Variants in FBN2 observed in about 807,000 individuals in gnomAD.
FBN2 encodes the protein fibrillin-2.
A neutral mutation model predicts 355.6 loss-of-function variants in FBN2; 105 were observed. The ratio of observed to expected loss-of-function variants is 0.30; its 90% CI spans 0.25 to 0.35. The LOEUF (loss-of-function observed/expected upper bound fraction) is 0.35. Among genes scored for constraint, FBN2 ranks in the 10% least tolerant of loss-of-function variants. The pLI is 1.00. For synonymous variants in FBN2, 1,350 were observed against 1,301.2 expected, an observed-to-expected ratio of 1.04 and a Z score of -0.81; for missense variants, 3,280 against 3,758.7, an observed-to-expected ratio of 0.87 and a Z score of 3.33.
intron 55 of FBN2, 76 bp from the exon 56 acceptor site, chr5:128,280,393 T>C (rs182060841): frequency 5.2e-6 from 6 of 1,152,506 alleles, no homozygotes; most frequent in Non-Finnish European, 7.8e-6. Context: ...TAATGGGTTA[T>C]ATCTTATTTA....
In FBN2 at chr5:128,272,085, T is replaced by C. The variant is rs1373473066; in HGVS notation, c.7874A>G (p.Gln2625Arg). The change falls in exon 62 of 65, where the codon CAA becomes CGA. Residue 2625 changes from glutamine to arginine, a missense_variant. By Grantham distance (43) the Gln-to-Arg change is conservative (BLOSUM62 1). Around this residue, in one of 6 missense-constraint regions of FBN2, gnomAD observed 2,284 missense variants for 2,749.5 expected, o/e 0.83. Coordinates refer to ENST00000262464, the MANE Select transcript of FBN2 (RefSeq NM_001999.4). ...ACCCAGGATGTTCTGGCAGCCGTGT[T>C]GGCACCTGTGGTTCCCATCACATTC... ...VDECDGNHRC[Q>R]HGCQNILGGY... is the part of the protein sequence containing the mutation. 6.2e-7 allele frequency: 1 copy of C among 1,614,080 alleles called. No individual in the cohort carries two copies. The highest frequency in any genetic ancestry group is 8.5e-7 in the Non-Finnish European group (1 of 1,179,982).
chr5:128,307,675 T>C (rs1453967211), intron 41 of FBN2, among the ~76,000 whole-genome samples: 2 of 151,520 alleles, frequency 1.3e-5, no homozygotes, highest in Non-Finnish European at 2.9e-5. Flanking sequence ...ATTTTGTCTT[T>C]TTTTTTTTTA....
Position 128,310,396 on chromosome 5 carries a change from ATATATATTTT to A in FBN2, c.5075-298_5075-289del, listed in dbSNP as rs1258825449. ...TATATATATATATATATATATATATATATATATTTTTTTTTTTTTTTTTTTATTGCAATTC... is the reference window on the plus strand; with the variant it reads ...TATATATATATATATATATATATATATTTTTTTTTTTTTTTATTGCAATTC... On this transcript the variant is annotated intron_variant, in intron 39 of 64. Transcript: ENST00000262464. Among the ~76,000 whole-genome samples the A allele has an allele frequency of 2.3e-3, 42 of 18,398 alleles. 1 individual carries two copies. The highest frequency in any genetic ancestry group is 6.6e-3 in the Admixed American group (14 of 2,136). 12.1% of individuals were successfully genotyped at this position (18,398 alleles called of 152,430 possible).
chr5:128,429,896 T>C (rs1393679011), intron 7 of FBN2, among the ~76,000 whole-genome samples: 2 of 152,190 alleles, frequency 1.3e-5, no homozygotes, highest in African/African-American at 4.8e-5. Context: ...TAAAGCTAAA[T>C]GAGAACTTTT....
chr5:128,272,198 T>A (rs557405633), intron 61 of FBN2, 80 bp from the exon 62 acceptor site: 2 of 1,511,760 alleles, frequency 1.3e-6, no homozygotes, highest in African/African-American at 1.4e-5. Flanking sequence ...AAACCTGGGG[T>A]AACTGTTATC....
intron 19 of FBN2, among the ~76,000 whole-genome samples, chr5:128,359,198 T>A (rs529276937): frequency 2.0e-5 from 3 of 152,170 alleles, no homozygotes; most frequent in African/African-American, 7.2e-5. Context: ...ATTAGTGCTA[T>A]TTGTTATATA....
At chr5:128,502,296 A>T (rs35734821) in intron 5 of FBN2, among the ~76,000 whole-genome samples, 3 of 108,072 alleles carry the variant, frequency 2.8e-5, no homozygotes, top group African/African-American at 4.9e-5. Context: ...ACAAAAAAAA[A>T]AAAATAATTA....
intron 6 of FBN2, among the ~76,000 whole-genome samples, chr5:128,452,526 A>G (rs755401655): frequency 6.6e-6 from 1 of 152,096 alleles, no homozygotes; most frequent in Admixed American, 6.6e-5. Flanking sequence ...TTATTAGATG[A>G]TATATTATTT....
At chr5:128,534,882 T>C (rs1756805105) in intron 2 of FBN2, among the ~76,000 whole-genome samples, 1 of 152,198 alleles carries the variant, frequency 6.6e-6, no homozygotes, top group South Asian at 2.1e-4. Context: ...GCAGTCACAT[T>C]CATTACATTT....
At chr5:128,514,286 G>A (rs1756219562) in intron 5 of FBN2, among the ~76,000 whole-genome samples, 1 of 152,238 alleles carries the variant, frequency 6.6e-6, no homozygotes, top group East Asian at 1.9e-4. Context: ...TTTTCCCACT[G>A]TAGTAAGCTA....
intron 4 of FBN2, among the ~76,000 whole-genome samples, chr5:128,522,744 A>AT (rs1413785859): frequency 3.3e-5 from 5 of 152,216 alleles, no homozygotes; most frequent in African/African-American, 7.2e-5. Context: ...AAAAGAACAT[A>AT]TTTTTTTGTA....
intron 46 of FBN2, 40 bp downstream of exon 46, chr5:128,302,933 A>G (rs751515353): frequency 1.8e-6 from 2 of 1,093,964 alleles, no homozygotes; most frequent in South Asian, 2.5e-5. Flanking sequence ...ATTGTGTGGA[A>G]ATGAAATAGA....
intron 7 of FBN2, among the ~76,000 whole-genome samples, chr5:128,422,664 CA>C (rs1337323568): frequency 6.6e-6 from 1 of 152,090 alleles, no homozygotes; most frequent in African/African-American, 2.4e-5. Context: ...TCATCAAAGA[CA>C]GGGGAAATGG....
At chr5:128,435,649 C>T (rs562918931) in intron 7 of FBN2, among the ~76,000 whole-genome samples, 224 of 152,178 alleles carry the variant, frequency 1.5e-3, no homozygotes, top group Non-Finnish European at 2.4e-3. Flanking sequence ...ATGTTCTCTT[C>T]CCTCCCCAAA....
chr5:128,357,609 G>C (rs1751536305), intron 19 of FBN2, among the ~76,000 whole-genome samples: 1 of 152,168 alleles, frequency 6.6e-6, no homozygotes, highest in East Asian at 1.9e-4. Context: ...GGACCACAGT[G>C]ATCAGCCTAT....
chr5:128,395,310 A>G, intron 8 of FBN2, 36 bp from the exon 9 acceptor site: 1 of 1,612,056 alleles, frequency 6.2e-7, no homozygotes, highest in Non-Finnish European at 8.5e-7. Flanking sequence ...GATATGGCAG[A>G]ATTACCTCAG....
Position 128,337,310 on chromosome 5 carries a change from TG to T in FBN2, c.3598+686del, listed in dbSNP as rs202049508. 6.6e-3 allele frequency among the ~76,000 whole-genome samples: 1,011 copies of T among 152,336 alleles called. 18 individuals are homozygous for T. Among genetic ancestry groups the T allele is most frequent in the African/African-American group, 0.023 (955 of 41,584 alleles). The stretch of plus-strand genomic sequence containing the variant: ...TGTGCTCAAATTATGTTTTGAAATT[TG>T]GTGTGCAATCTGTTCTATTTTAGGC... On this transcript the variant is annotated intron_variant, in intron 27 of 64. Transcript: ENST00000262464.
chr5:128,478,827 C>T (rs1451591728), intron 5 of FBN2, among the ~76,000 whole-genome samples: 1 of 152,020 alleles, frequency 6.6e-6, no homozygotes, highest in African/African-American at 2.4e-5. Flanking sequence ...TTTCAGGGGC[C>T]CTTAATGTAC....
chr5:128,380,417 C>A (rs920810828), intron 11 of FBN2, among the ~76,000 whole-genome samples: 16 of 152,050 alleles, frequency 1.1e-4, no homozygotes, highest in African/African-American at 3.6e-4. Flanking sequence ...CATCCACTCC[C>A]CTCTCTTTAG....
Sources: allele counts gnomAD v4.1 joint callset (sites outside exome capture counted in the v4.1 genomes callset), GRCh38; gene constraint gnomAD v4.1.1; regional missense constraint gnomAD v4.1.1; transcripts MANE v1.5; gene names NCBI Gene and HGNC (gene_info 2026-07-23, HGNC 2026-07-21).